The following SRSF4 variants were observed in gnomAD, a reference collection of about 807,000 sequenced individuals.
SRSF4 encodes serine/arginine-rich splicing factor 4.
SRSF4 carries 12 observed loss-of-function variants against 48.8 expected under a neutral mutation model. The ratio of observed to expected loss-of-function variants is 0.25; its 90% CI spans 0.16 to 0.40. SRSF4 has a LOEUF of 0.40. Ranked by LOEUF, SRSF4 falls within the 10% of genes least tolerant of loss-of-function variation. The pLI, the probability that SRSF4 is intolerant of heterozygous loss-of-function variation, is 1.00. For synonymous variants in SRSF4, 248 were observed against 232.5 expected (o/e 1.07, Z -0.61); for missense variants, 466 against 667.1 (o/e 0.70, Z 3.32).
intron 4 of SRSF4, among the ~76,000 whole-genome samples, chr1:29,153,888 ACT>A (rs1420739249): frequency 1.3e-5 from 2 of 151,866 alleles, no homozygotes; most frequent in African/African-American, 4.8e-5. Context: ...GGCGTGAGCC[ACT>A]GTGCCCGGCC....
chr1:29,171,409 T>G (rs980823963), intron 1 of SRSF4: 1 of 147,432 alleles, frequency 6.8e-6, no homozygotes, highest in Non-Finnish European at 1.5e-5. Flanking sequence ...CCCACATGTA[T>G]CTAGTATGGG....
intron 1 of SRSF4, chr1:29,168,807 A>G (rs1173499090): frequency 2.0e-5 from 3 of 152,204 alleles, no homozygotes; most frequent in Non-Finnish European, 2.9e-5. Context: ...AATATTGGCA[A>G]TATTATGTAT....
intron 1 of SRSF4, chr1:29,169,039 G>GCAGC (rs1166770451): frequency 6.6e-6 from 1 of 152,206 alleles, no homozygotes; most frequent in African/African-American, 2.4e-5. Context: ...TTTTTAACAT[G>GCAGC]CAGCCCACTA....
At chr1:29,157,466 C>T (rs1426744727) in intron 3 of SRSF4, among the ~76,000 whole-genome samples, 1 of 152,106 alleles carries the variant, frequency 6.6e-6, no homozygotes, top group Non-Finnish European at 1.5e-5. Context: ...TCTCAGAATA[C>T]TGGAGTCATT....
chr1:29,180,859 G>A (rs1346337243), intron 1 of SRSF4, among the ~76,000 whole-genome samples: 2 of 152,198 alleles, frequency 1.3e-5, no homozygotes, highest in Non-Finnish European at 2.9e-5. Flanking sequence ...GAGGCAGTAA[G>A]TTAACAATTT....
In SRSF4 at chr1:29,181,857, G is replaced by A. The variant is rs540024867; in HGVS notation, c.-105C>T. Reference sequence around the variant, plus strand: ...CGGCGGCGGCGGCAACGGGCGGGCGGCGGGACGGACGCAGCCGAACCCCGG... The same window carrying A: ...CGGCGGCGGCGGCAACGGGCGGGCGACGGGACGGACGCAGCCGAACCCCGG... On this transcript the variant is annotated 5_prime_UTR_variant, in exon 1 of 6. Transcript: ENST00000373795. The A allele has an allele frequency of 5.2e-6, 5 of 965,150 alleles. No homozygotes were observed. Among genetic ancestry groups the A allele is most frequent in the East Asian group, 3.4e-5 (1 of 29,440 alleles). 59.8% of individuals were successfully genotyped at this position (965,150 alleles called of 1,614,324 possible).
intron 1 of SRSF4, among the ~76,000 whole-genome samples, chr1:29,174,972 G>A (rs1460704692): frequency 1.4e-5 from 2 of 147,114 alleles, no homozygotes; most frequent in Admixed American, 6.8e-5. Flanking sequence ...ACAACTGGCC[G>A]GTGGGTTTTT....
At chr1:29,154,524 T>C in intron 4 of SRSF4, 172 bp downstream of exon 4, 1 of 660,206 alleles carries the variant, frequency 1.5e-6, no homozygotes. Flanking sequence ...TTTGTACTCA[T>C]GACCTAAGAG....
At chr1:29,162,292 T>C (rs1672611043) in intron 1 of SRSF4, among the ~76,000 whole-genome samples, 1 of 152,208 alleles carries the variant, frequency 6.6e-6, no homozygotes. Flanking sequence ...AAAAGGCAAG[T>C]AAAGCCTCTC....
intron 4 of SRSF4, among the ~76,000 whole-genome samples, chr1:29,153,180 GGAGTA>G (rs1303707001): frequency 1.3e-5 from 2 of 152,136 alleles, no homozygotes; most frequent in African/African-American, 4.8e-5. Flanking sequence ...CGCCCAGGCT[GGAGTA>G]TAGTGGAGTG....
At position 29,148,051 on chromosome 1, in the gene SRSF4, G is replaced by A. The variant is rs750715250; in HGVS notation, c.*359C>T. ...TACATCGAAGGGCATCAATTCAAGAGCAAAAATGGTTGAACTCACCATACC... is the reference window on the plus strand; with the variant it reads ...TACATCGAAGGGCATCAATTCAAGAACAAAAATGGTTGAACTCACCATACC... On this transcript the variant is annotated 3_prime_UTR_variant, in exon 6 of 6. Transcript: ENST00000373795. 67 of 482,736 alleles carry A rather than the reference G, an allele frequency of 1.4e-4. 1 individual carries two copies. The highest frequency in any genetic ancestry group is 3.7e-5 in the Non-Finnish European group (9 of 245,040). The allele number at this position is 482,736 out of a possible 1,614,324, so 29.9% of individuals were successfully genotyped here.
At chr1:29,175,220 C>T (rs1672821262) in intron 1 of SRSF4, among the ~76,000 whole-genome samples, 2 of 149,902 alleles carry the variant, frequency 1.3e-5, no homozygotes, top group Non-Finnish European at 3.0e-5. Flanking sequence ...CAAAACCAGG[C>T]TGGCCAACGT....
At chr1:29,164,838 C>T (rs1672647291) in intron 1 of SRSF4, among the ~76,000 whole-genome samples, 1 of 152,180 alleles carries the variant, frequency 6.6e-6, no homozygotes, top group Non-Finnish European at 1.5e-5. Context: ...CAACACCCTT[C>T]AAGTAAGAGA....
chr1:29,150,049 C>T (rs1672382331), intron 5 of SRSF4, 54 bp downstream of exon 5: 3 of 1,419,942 alleles, frequency 2.1e-6, no homozygotes, highest in Admixed American at 3.7e-5. Flanking sequence ...AAAAGTGAGA[C>T]AGGGTACAGG....
intron 5 of SRSF4, among the ~76,000 whole-genome samples, chr1:29,149,791 C>G (rs751088227): frequency 1.2e-4 from 18 of 151,380 alleles, no homozygotes; most frequent in Admixed American, 7.2e-4. Context: ...TCTGTAATCG[C>G]AGTAGTCTGG....
intron 1 of SRSF4, among the ~76,000 whole-genome samples, chr1:29,179,252 T>C (rs1445627986): frequency 1.3e-5 from 2 of 152,218 alleles, no homozygotes; most frequent in Non-Finnish European, 2.9e-5. Flanking sequence ...CCATGCTAGA[T>C]TGTTTATTAT....
intron 1 of SRSF4, among the ~76,000 whole-genome samples, chr1:29,175,711 A>AAAAAG: frequency 6.8e-6 from 1 of 146,440 alleles, no homozygotes; most frequent in Non-Finnish European, 1.5e-5. Context: ...AAAAAAAAAA[A>AAAAAG]AAAAAAAAAA....
intron 3 of SRSF4, among the ~76,000 whole-genome samples, chr1:29,159,050 G>A (rs1036536354): frequency 1.3e-5 from 2 of 152,128 alleles, no homozygotes; most frequent in Admixed American, 6.5e-5. Context: ...AGGCTGCAGT[G>A]AGCAGAGATG....
intron 3 of SRSF4, among the ~76,000 whole-genome samples, chr1:29,156,353 CA>C (rs34857487): frequency 1.0e-4 from 15 of 144,150 alleles, no homozygotes; most frequent in Admixed American, 3.5e-4. Context: ...ACCTTCGTCT[CA>C]AAAAAAAAAA....
Sources: allele counts gnomAD v4.1 joint callset (sites outside exome capture counted in the v4.1 genomes callset), GRCh38; gene constraint gnomAD v4.1.1; transcripts MANE v1.5; gene names NCBI Gene and HGNC (gene_info 2026-07-23, HGNC 2026-07-21).